FCF1: variants seen among roughly 807,000 people sequenced by gnomAD.
The protein encoded by FCF1 is rRNA-processing protein FCF1 homolog.
FCF1 carries 17 observed loss-of-function variants against 32.5 expected under a neutral mutation model. The observed-to-expected ratio is 0.52, with a 90% confidence interval of 0.36 to 0.78. The LOEUF is 0.78. Among genes scored for constraint, FCF1 ranks in the 30% least tolerant of loss-of-function variants. FCF1 has a pLI of 0.00. For missense variants in FCF1, 201 were observed against 241.1 expected (o/e 0.83, Z 1.10); for synonymous variants, 84 against 78.4 (o/e 1.07, Z -0.38).
intron 7 of FCF1, 40 bp from the exon 8 acceptor site, chr14:74,734,842 C>T: frequency 1.3e-6 from 2 of 1,580,616 alleles, no homozygotes; most frequent in South Asian, 1.1e-5. Flanking sequence ...GGGTTCTCTT[C>T]CCATCTTTCT....
At chr14:74,723,513 G>C (rs1566718136) in intron 5 of FCF1, among the ~76,000 whole-genome samples, 169 bp downstream of exon 5, 1 of 152,062 alleles carries the variant, frequency 6.6e-6, no homozygotes, top group Non-Finnish European at 1.5e-5. Context: ...GTTCCAGTTA[G>C]AGTGTCTAAA....
intron 5 of FCF1, among the ~76,000 whole-genome samples, chr14:74,731,553 T>G (rs2090638013): frequency 6.6e-6 from 1 of 152,184 alleles, no homozygotes; most frequent in Non-Finnish European, 1.5e-5. Flanking sequence ...CTCGTCAGCC[T>G]GGCATTGGAG....
chr14:74,717,511 T>A (rs1469504762), intron 4 of FCF1, among the ~76,000 whole-genome samples: 1 of 152,216 alleles, frequency 6.6e-6, no homozygotes, highest in Non-Finnish European at 1.5e-5. Context: ...CCATTGTTTT[T>A]TCATATAGGC....
At chr14:74,732,340 G>GATC (rs1380679172) in intron 5 of FCF1, among the ~76,000 whole-genome samples, 1 of 152,124 alleles carries the variant, frequency 6.6e-6, no homozygotes, top group Non-Finnish European at 1.5e-5. Flanking sequence ...TGTGTTGAGT[G>GATC]ATCATCCTTC....
At chr14:74,716,444 A>G (rs2140019376) in intron 4 of FCF1, among the ~76,000 whole-genome samples, 1 of 152,350 alleles carries the variant, frequency 6.6e-6, no homozygotes, top group East Asian at 1.9e-4. Context: ...TATGTTAACA[A>G]GGATATGTTC....
At chr14:74,722,984 AT>A (rs923702005) in intron 4 of FCF1, among the ~76,000 whole-genome samples, 3 of 151,926 alleles carry the variant, frequency 2.0e-5, no homozygotes, top group African/African-American at 7.3e-5. Flanking sequence ...AAAATAAATA[AT>A]TTTTTTCCCA....
intron 4 of FCF1, among the ~76,000 whole-genome samples, chr14:74,720,744 G>C (rs764889855): frequency 5.3e-5 from 8 of 152,112 alleles, no homozygotes; most frequent in Non-Finnish European, 1.0e-4. Context: ...CAACCTCCAG[G>C]TCTCAAGTGA....
chr14:74,717,424 G>A (rs1251456152), intron 4 of FCF1, among the ~76,000 whole-genome samples: 2 of 152,040 alleles, frequency 1.3e-5, no homozygotes, highest in Non-Finnish European at 1.5e-5. Flanking sequence ...GCCATCAGAT[G>A]AGAAAAAAAT....
Position 74,734,186 on chromosome 14 carries a change from TGGAG to T in FCF1, c.548+17_548+20del. 12 of 1,442,962 alleles carry T rather than the reference TGGAG, an allele frequency of 8.3e-6. No homozygotes were observed. Among genetic ancestry groups the T allele is most frequent in the Non-Finnish European group, 1.1e-5 (11 of 1,024,674 alleles). 89.4% of individuals were successfully genotyped at this position (1,442,962 alleles called of 1,614,324 possible). A position where few individuals can be genotyped will look rare whatever the true frequency, so the allele number is the denominator to read the frequency against. ...CTAACCATAGGTGAGAAATTTCCCTTGGAGAAGGGAATAGAAATATATAATTGAT... is the reference window on the plus strand; with the variant it reads ...CTAACCATAGGTGAGAAATTTCCCTTAAGGGAATAGAAATATATAATTGAT... On this transcript the variant is annotated intron_variant, in intron 7 of 7. Transcript: ENST00000341162.
Position 74,714,915 on chromosome 14 carries a change from G to C in FCF1, c.115G>C (p.Asp39His), listed in dbSNP as rs1189469468. Residue 39 changes from aspartate to histidine, a missense_variant, in exon 3 of 8, where the codon GAT (aspartate) becomes CAT (histidine). Physicochemically the swap from Asp to His is moderately conservative, Grantham distance 81. Transcript: ENST00000341162. The part of the protein sequence containing the change: ...RLKPKKKEKK[D>H]PSALKEREVP... ...AAAACCTAAAAAGAAAGAAAAGAAG[G>C]ATCCCAGCGCATTAAAGGAAAGAGA... is the stretch of plus-strand genomic sequence containing the variant. 2 of 1,598,180 alleles carry C rather than the reference G, an allele frequency of 1.3e-6. No homozygotes were observed. Among genetic ancestry groups the C allele is most frequent in the African/African-American group, 1.4e-5 (1 of 74,004 alleles).
In FCF1 at chr14:74,730,502, C is replaced by T. The variant is rs115029419; in HGVS notation, c.366-2229C>T. Among the ~76,000 whole-genome samples, 1,241 of 152,084 alleles carry T rather than the reference C, an allele frequency of 8.2e-3. 12 individuals carry two copies. Among genetic ancestry groups the T allele is most frequent in the African/African-American group, 0.028 (1,164 of 41,474 alleles). ...GCTGTGGCGGGCAGATCACCTGAGG[C>T]TAGGAGTTCAAGACCAGTCTGACCA... On this transcript the variant is annotated intron_variant, in intron 5 of 7. Coordinates refer to ENST00000341162, the MANE Select transcript of FCF1 (RefSeq NM_015962.5).
chr14:74,723,594 C>G (rs919405508), intron 5 of FCF1, among the ~76,000 whole-genome samples: 1 of 151,630 alleles, frequency 6.6e-6, no homozygotes, highest in Non-Finnish European at 1.5e-5. Context: ...TTTGGGAGGC[C>G]GAGGCAGGCA....
chr14:74,713,336 C>A, intron 1 of FCF1, 136 bp downstream of exon 1: 1 of 1,584,592 alleles, frequency 6.3e-7, no homozygotes, highest in Non-Finnish European at 8.6e-7. Flanking sequence ...TAAACTTCTC[C>A]AAGCGGTGAC....
intron 5 of FCF1, among the ~76,000 whole-genome samples, chr14:74,724,712 C>G (rs139155930): frequency 6.6e-6 from 1 of 152,196 alleles, no homozygotes; most frequent in African/African-American, 2.4e-5. Context: ...CCAGTCCAGC[C>G]TGGGCATCAT....
intron 4 of FCF1, 125 bp from the exon 5 acceptor site, chr14:74,723,147 A>G: frequency 1.5e-6 from 1 of 675,436 alleles, no homozygotes; most frequent in South Asian, 1.6e-5. Flanking sequence ...TGTATATTTC[A>G]GTGTGCTAAT....
At chr14:74,732,480 C>A (rs1245536430) in intron 5 of FCF1, among the ~76,000 whole-genome samples, 1 of 152,146 alleles carries the variant, frequency 6.6e-6, no homozygotes, top group Non-Finnish European at 1.5e-5. Flanking sequence ...TTTAATCTCT[C>A]TAAGCCTACT....
chr14:74,725,141 C>G (rs569735908), intron 5 of FCF1, among the ~76,000 whole-genome samples: 1 of 151,666 alleles, frequency 6.6e-6, no homozygotes, highest in Non-Finnish European at 1.5e-5. Context: ...TTGGCATCTT[C>G]TTATGTACGT....
At chr14:74,719,237 G>A (rs907453525) in intron 4 of FCF1, among the ~76,000 whole-genome samples, 2 of 148,944 alleles carry the variant, frequency 1.3e-5, no homozygotes, top group African/African-American at 5.0e-5. Flanking sequence ...TGAGGCTACA[G>A]TGAATTGTGA....
At chr14:74,726,409 C>A (rs2090578465) in intron 5 of FCF1, among the ~76,000 whole-genome samples, 1 of 151,896 alleles carries the variant, frequency 6.6e-6, no homozygotes, top group African/African-American at 2.4e-5. Flanking sequence ...ATTGCTTGAG[C>A]CAGGGAGGTT....
Sources: allele counts gnomAD v4.1 joint callset (sites outside exome capture counted in the v4.1 genomes callset), GRCh38; gene constraint gnomAD v4.1.1; transcripts MANE v1.5; gene names NCBI Gene and HGNC (gene_info 2026-07-23, HGNC 2026-07-21).